Variants in SVOP observed in about 807,000 individuals in gnomAD.
SVOP encodes the protein synaptic vesicle 2-related protein.
SVOP carries 17 observed loss-of-function variants against 69.1 expected under a neutral mutation model. The ratio of observed to expected loss-of-function variants is 0.25; its 90% CI spans 0.17 to 0.37. SVOP has a LOEUF of 0.37. Among genes scored for constraint, SVOP ranks in the 10% least tolerant of loss-of-function variants. SVOP has a pLI of 1.00. For missense variants in SVOP, 435 were observed against 597.5 expected, an observed-to-expected ratio of 0.73 and a Z score of 2.84; for synonymous variants, 238 against 238.6, an observed-to-expected ratio of 1.00 and a Z score of 0.02.
At chr12:108,991,017 G>A (rs2040197420) in intron 1 of SVOP, among the ~76,000 whole-genome samples, 4 of 152,176 alleles carry the variant, frequency 2.6e-5, no homozygotes, top group South Asian at 2.1e-4. Flanking sequence ...CAACCCCATC[G>A]TGAAGCAGAA....
intron 11 of SVOP, among the ~76,000 whole-genome samples, chr12:108,929,794 T>G (rs79910443): frequency 0.013 from 2,009 of 152,352 alleles, 53 homozygotes; most frequent in African/African-American, 0.046. Flanking sequence ...TGTTACTAAA[T>G]GAAATTTTCC....
At chr12:108,931,907 C>T (rs961919347) in intron 11 of SVOP, among the ~76,000 whole-genome samples, 1 of 152,052 alleles carries the variant, frequency 6.6e-6, no homozygotes, top group African/African-American at 2.4e-5. Context: ...GGTCCTCAAA[C>T]TTAATGTGCA....
chr12:108,978,441 A>G (rs2040118666), intron 3 of SVOP, 137 bp downstream of exon 3: 3 of 585,194 alleles, frequency 5.1e-6, no homozygotes, highest in Non-Finnish European at 9.1e-6. Flanking sequence ...ATTACGCCAC[A>G]TAAATTTTGT....
chr12:108,916,310 C>T (rs2137385964), intron 14 of SVOP, among the ~76,000 whole-genome samples: 1 of 152,268 alleles, frequency 6.6e-6, no homozygotes. Flanking sequence ...TGTTAAGTGG[C>T]AAAGTGAGAA....
chr12:108,977,090 A>T (rs2040110476), intron 4 of SVOP, among the ~76,000 whole-genome samples: 1 of 152,114 alleles, frequency 6.6e-6, no homozygotes, highest in Admixed American at 6.6e-5. Flanking sequence ...GGATGTGGGG[A>T]TTGGCACCTC....
At position 108,934,222 on chromosome 12, in the gene SVOP, G is replaced by T. The variant is rs759473374; in HGVS notation, c.1021C>A (p.Leu341Ile). 6.2e-7 allele frequency: 1 copy of T among 1,606,672 alleles called. No individual in the cohort carries two copies. ...CCGCAGACATCTCCTGCCTGGAAGA[G>T]TTCTGTGGTGAGTAGAACTAACCCG... is the stretch of plus-strand genomic sequence containing the variant. ...YYGLVLLTTE[L>I]FQAGDVCGIS... is the part of the protein sequence containing the mutation. The change falls in exon 11 of 16, where the codon CTC (leucine) becomes ATC (isoleucine). Residue 341 changes from leucine (L) to isoleucine (I), a missense_variant. By Grantham distance (5) the Leu-to-Ile change is conservative. Transcript: ENST00000610966.
At chr12:108,971,440 A>G (rs373094830) in intron 5 of SVOP, among the ~76,000 whole-genome samples, 104,241 of 150,834 alleles carry the variant, frequency 0.69, 36,603 homozygotes, top group South Asian at 0.79. Flanking sequence ...AAAAAAAAAA[A>G]AAAAAAAAAT....
chr12:108,946,622 A>T lies in SVOP; in HGVS notation c.579-1456T>A, dbSNP rs1487469014. ...CCTTTGTCTATCTTATCTTCTATCT[A>T]TCTATCTATCCATTTAATCAATAAG... On this transcript the variant is annotated intron_variant, in intron 6 of 15. Coordinates refer to ENST00000610966, the MANE Select transcript of SVOP (RefSeq NM_018711.5). Among the ~76,000 whole-genome samples the T allele has an allele frequency of 2.6e-5, 4 of 151,282 alleles. No homozygotes were observed. The East Asian group carries it at 7.7e-4, about 29-fold the overall frequency.
In SVOP at chr12:108,991,831, G is replaced by A. The variant is rs372965021; in HGVS notation, c.36-8070C>T. 7.0e-3 allele frequency among the ~76,000 whole-genome samples: 1,060 copies of A among 151,680 alleles called. 14 individuals are homozygous for A. Among genetic ancestry groups the A allele is most frequent in the African/African-American group, 0.024 (1,002 of 41,364 alleles). Reference sequence around the variant, plus strand: ...CATGGTAGCACATACTTGTGGTCTTGGCTACTCAAAAGGCTGAGGCAGGAG... The same window carrying A: ...CATGGTAGCACATACTTGTGGTCTTAGCTACTCAAAAGGCTGAGGCAGGAG... On this transcript the variant is annotated intron_variant, in intron 1 of 15. Transcript: ENST00000610966.
In SVOP at chr12:108,912,080, A is replaced by G. The variant is rs1393658759; in HGVS notation, c.*455T>C. ...ACCTAGATCGCCTGCAATTTCAAAGAAGAAAGCCTGGGGCTGTGAGTGTGG... is the reference window on the plus strand; with the variant it reads ...ACCTAGATCGCCTGCAATTTCAAAGGAGAAAGCCTGGGGCTGTGAGTGTGG... On this transcript the variant is annotated 3_prime_UTR_variant, in exon 16 of 16. Coordinates refer to ENST00000610966, the MANE Select transcript of SVOP (RefSeq NM_018711.5). 2.6e-5 allele frequency: 20 copies of G among 776,042 alleles called. No individual in the cohort carries two copies. The highest frequency in any genetic ancestry group is 3.1e-5 in the Non-Finnish European group (20 of 635,276). The allele number at this position is 776,042 out of a possible 1,614,324, so 48.1% of individuals were successfully genotyped here.
At chr12:108,965,544 C>CA (rs1464719547) in intron 5 of SVOP, among the ~76,000 whole-genome samples, 4 of 151,986 alleles carry the variant, frequency 2.6e-5, no homozygotes, top group Non-Finnish European at 4.4e-5. Flanking sequence ...CCTGATTTTC[C>CA]AAAAAACACA....
intron 2 of SVOP, among the ~76,000 whole-genome samples, chr12:108,980,965 G>A (rs1037350409): frequency 1.1e-4 from 16 of 152,212 alleles, no homozygotes; most frequent in African/African-American, 2.9e-4. Context: ...GGGTGGCCCC[G>A]TGGGTGACCT....
intron 1 of SVOP, among the ~76,000 whole-genome samples, chr12:109,011,494 C>G (rs1013374322): frequency 6.6e-6 from 1 of 152,166 alleles, no homozygotes; most frequent in South Asian, 2.1e-4. Flanking sequence ...AGGTCTCAGG[C>G]GGATGGGAGC....
At chr12:108,936,053 C>CACACACACACACACACACAT (rs1639012084) in intron 10 of SVOP, among the ~76,000 whole-genome samples, 1 of 151,522 alleles carries the variant, frequency 6.6e-6, no homozygotes, top group Non-Finnish European at 1.5e-5. Flanking sequence ...CACACACACA[C>CACACACACACACACACACAT]ATGTATTTTT....
intron 1 of SVOP, among the ~76,000 whole-genome samples, chr12:108,986,429 T>C (rs1488628232): frequency 6.6e-6 from 1 of 152,214 alleles, no homozygotes; most frequent in Non-Finnish European, 1.5e-5. Flanking sequence ...TATTTTATTT[T>C]GAGATATTTC....
chr12:108,936,025 C>CACACAG (rs1048379868), intron 10 of SVOP, among the ~76,000 whole-genome samples: 1 of 143,946 alleles, frequency 6.9e-6, no homozygotes, highest in Non-Finnish European at 1.5e-5. Flanking sequence ...AGTATAAATA[C>CACACAG]ACACACACAC....
chr12:108,978,718 C>T (rs1451436665), intron 2 of SVOP, 55 bp from the exon 3 acceptor site: 4 of 696,908 alleles, frequency 5.7e-6, no homozygotes, highest in South Asian at 3.0e-5. Flanking sequence ...TGCAGTTGTC[C>T]TAGTGTGGGG....
intron 1 of SVOP, among the ~76,000 whole-genome samples, chr12:109,006,112 G>C (rs1363650547): frequency 6.6e-6 from 1 of 152,166 alleles, no homozygotes; most frequent in Middle Eastern, 3.2e-3. Flanking sequence ...GAGTGCAGTG[G>C]CACAGTCTCG....
chr12:108,930,046 C>G lies in SVOP; in HGVS notation c.1048+4149G>C, dbSNP rs140176291. 1.5e-3 allele frequency among the ~76,000 whole-genome samples: 221 copies of G among 152,274 alleles called. 2 individuals carry two copies. The highest frequency in any genetic ancestry group is 2.6e-3 in the Non-Finnish European group (175 of 68,036). On this transcript the variant is annotated intron_variant, in intron 11 of 15. Transcript: ENST00000610966. ...GGCAAACTCTGACCAAATCTGGTCC[C>G]TTGCCTGTTTTTTGCCTGACCTATG...
Sources: allele counts gnomAD v4.1 joint callset (sites outside exome capture counted in the v4.1 genomes callset), GRCh38; gene constraint gnomAD v4.1.1; transcripts MANE v1.5; gene names NCBI Gene and HGNC (gene_info 2026-07-23, HGNC 2026-07-21).